The following MYO1D variants were observed in gnomAD, a reference collection of about 807,000 sequenced individuals.
The protein encoded by MYO1D is myosin ID, also known as unconventional myosin-Id.
In MYO1D, 83 loss-of-function variants were observed where a neutral mutation model predicts 122.0. The observed-to-expected ratio is 0.68, with a 90% CI of 0.57 to 0.82. The LOEUF (loss-of-function observed/expected upper bound fraction) is 0.82. Among genes scored for constraint, MYO1D ranks in the 40% least tolerant of loss-of-function variants. The probability of loss-of-function intolerance (pLI) is 0.00; values close to 1 mark genes in which losing one functional copy is unlikely to be tolerated. For synonymous variants in MYO1D, 464 were observed against 446.9 expected (o/e 1.04, Z -0.48); for missense variants, 1,157 against 1,269.5 (o/e 0.91, Z 1.35).
At chr17:32,800,607 G>C (rs1436655623) in intron 1 of MYO1D, among the ~76,000 whole-genome samples, 1 of 152,206 alleles carries the variant, frequency 6.6e-6, no homozygotes, top group Non-Finnish European at 1.5e-5. Context: ...GTTTCAGCTA[G>C]AGAGGAGGAA....
intron 5 of MYO1D, 103 bp downstream of exon 5, chr17:32,772,686 T>C: frequency 5.4e-6 from 5 of 934,308 alleles, no homozygotes; most frequent in Non-Finnish European, 7.0e-6. Flanking sequence ...ACGGGGCCAA[T>C]GGAGATGAGT....
intron 21 of MYO1D, among the ~76,000 whole-genome samples, chr17:32,517,170 C>CA (rs1413130667): frequency 4.6e-5 from 7 of 152,358 alleles, no homozygotes; most frequent in African/African-American, 1.7e-4. Flanking sequence ...AGCTGGAAGT[C>CA]AGACACCCTG....
chr17:32,638,935 T>C (rs2088148397), intron 19 of MYO1D, 100 bp from the exon 20 acceptor site: 1 of 764,550 alleles, frequency 1.3e-6, no homozygotes, highest in East Asian at 2.5e-5. Context: ...GAACCATGTA[T>C]GGCCACTCTA....
rs868551213 is a variant in MYO1D, at chr17:32,680,656, G to A, written c.2122-21318C>T. 1.0e-3 allele frequency among the ~76,000 whole-genome samples: 150 copies of A among 149,722 alleles called. No homozygotes were observed. In the Middle Eastern group the frequency reaches 0.01, roughly 10 times the overall value. On this transcript the variant is annotated intron_variant, in intron 16 of 21. Transcript: ENST00000318217. ...AACTTTTTGATGTGCTGCTGGATTCGGTTTGCCAGTATTTTATTGAGGATT... is the reference window on the plus strand; with the variant it reads ...AACTTTTTGATGTGCTGCTGGATTCAGTTTGCCAGTATTTTATTGAGGATT...
intron 16 of MYO1D, among the ~76,000 whole-genome samples, chr17:32,703,069 T>TTA (rs1038442267): frequency 1.5e-4 from 23 of 152,338 alleles, no homozygotes; most frequent in African/African-American, 5.5e-4. Flanking sequence ...ATTTATATGT[T>TTA]TAGTAGCCTT....
intron 1 of MYO1D, among the ~76,000 whole-genome samples, chr17:32,837,983 CATTTTT>C (rs2090844229): frequency 6.6e-6 from 1 of 150,592 alleles, no homozygotes; most frequent in African/African-American, 2.4e-5. Flanking sequence ...TACTTTACAA[CATTTTT>C]ATTTTTATAT....
intron 21 of MYO1D, among the ~76,000 whole-genome samples, chr17:32,595,991 A>G (rs1384095206): frequency 1.3e-5 from 2 of 152,166 alleles, no homozygotes; most frequent in Admixed American, 6.5e-5. Flanking sequence ...TCACATTTCT[A>G]GTTTCCAGCA....
chr17:32,732,953 C>A (rs983969770), intron 14 of MYO1D, among the ~76,000 whole-genome samples: 3 of 152,220 alleles, frequency 2.0e-5, no homozygotes, highest in African/African-American at 7.2e-5. Context: ...GCCATGGAAG[C>A]TGCTTGCAGT....
intron 7 of MYO1D, among the ~76,000 whole-genome samples, chr17:32,765,343 GTCTC>G (rs1194304736): frequency 1.8e-4 from 28 of 152,058 alleles, no homozygotes; most frequent in Admixed American, 1.4e-3. Flanking sequence ...TTGCCTTAGG[GTCTC>G]TCTTTCTTTG....
chr17:32,865,732 AT>A (rs1567677847), intron 1 of MYO1D, among the ~76,000 whole-genome samples: 9 of 152,364 alleles, frequency 5.9e-5, no homozygotes, highest in Non-Finnish European at 1.2e-4. Context: ...AGGCAATCCC[AT>A]GCTGGGATAA....
chr17:32,646,911 CTTATAA>C (rs2088302973), intron 19 of MYO1D, among the ~76,000 whole-genome samples: 2 of 152,210 alleles, frequency 1.3e-5, no homozygotes, highest in East Asian at 1.9e-4. Flanking sequence ...AAATTCCAGA[CTTATAA>C]TTATGGCAAA....
At position 32,594,320 on chromosome 17, in the gene MYO1D, C is replaced by T. The variant is rs969647241; in HGVS notation, c.2864+10767G>A. On this transcript the variant is annotated intron_variant, in intron 21 of 21. Transcript: ENST00000318217. Reference sequence around the variant, plus strand: ...GCCCATTATAACAGTAAATTCTGCACACTGAGAGACTTCAAACTTTCCTTT... The same window carrying T: ...GCCCATTATAACAGTAAATTCTGCATACTGAGAGACTTCAAACTTTCCTTT... 2.9e-5 allele frequency: 11 copies of T among 382,156 alleles called. No homozygotes were observed. The South Asian group carries it at 4.7e-4, about 16-fold the overall frequency. The allele number at this position is 382,156 out of a possible 1,614,324, so 23.7% of individuals were successfully genotyped here.
chr17:32,565,188 C>T (rs541339556), intron 21 of MYO1D, among the ~76,000 whole-genome samples: 2 of 152,106 alleles, frequency 1.3e-5, no homozygotes, highest in South Asian at 4.2e-4. Flanking sequence ...ATTTTTAGTA[C>T]AGACAGGGTT....
At chr17:32,574,924 C>T (rs1161487302) in intron 21 of MYO1D, among the ~76,000 whole-genome samples, 1 of 152,204 alleles carries the variant, frequency 6.6e-6, no homozygotes, top group Non-Finnish European at 1.5e-5. Flanking sequence ...ATGCTCTGAA[C>T]TCTGGGTTCT....
At position 32,512,278 on chromosome 17, in the gene MYO1D, C is replaced by T. The variant is rs148631589; in HGVS notation, c.2865-17363G>A. Among the ~76,000 whole-genome samples the T allele has an allele frequency of 1.3e-3, 189 of 149,486 alleles. 1 individual carries two copies. The highest frequency in any genetic ancestry group is 3.4e-3 in the Middle Eastern group (1 of 294). ...TGGCGCCACTGCCTTCCAGCCTGGGCGACAAGAGTGAAACTCTTATCTCAT... is the reference window on the plus strand; with the variant it reads ...TGGCGCCACTGCCTTCCAGCCTGGGTGACAAGAGTGAAACTCTTATCTCAT... On this transcript the variant is annotated intron_variant, in intron 21 of 21. Transcript: ENST00000318217.
rs1047877451 is a variant in MYO1D at position 32,712,716 on chromosome 17, A to T, written c.1914-521T>A. Among the ~76,000 whole-genome samples, 16 of 152,264 alleles carry T rather than the reference A, an allele frequency of 1.1e-4. 1 individual carries two copies. The highest frequency in any genetic ancestry group is 9.2e-4 in the Admixed American group (14 of 15,286). On this transcript the variant is annotated intron_variant, in intron 15 of 21. Coordinates refer to ENST00000318217, the MANE Select transcript of MYO1D (RefSeq NM_015194.3). ...AGAAAATTAAGCAGTGTTGCTGCAC[A>T]TAAGAGCAACACACAAAAATTAATT...
intron 20 of MYO1D, among the ~76,000 whole-genome samples, chr17:32,633,652 C>T (rs1230588554): frequency 6.6e-6 from 1 of 151,300 alleles, no homozygotes; most frequent in Admixed American, 6.6e-5. Flanking sequence ...CATCTGTGAA[C>T]CCCCCACCAG....
At chr17:32,695,439 A>G (rs1001303490) in intron 16 of MYO1D, among the ~76,000 whole-genome samples, 10 of 152,204 alleles carry the variant, frequency 6.6e-5, no homozygotes, top group Admixed American at 5.2e-4. Flanking sequence ...CTTAGATTAC[A>G]GCAACAGGCT....
intron 21 of MYO1D, among the ~76,000 whole-genome samples, chr17:32,593,924 G>A (rs932124743): frequency 2.0e-5 from 3 of 152,162 alleles, no homozygotes; most frequent in African/African-American, 7.2e-5. Flanking sequence ...GTGACAGTGC[G>A]AGACTCCATC....
Sources: gnomAD v4.1 joint callset for allele counts (sites outside exome capture counted in the v4.1 genomes callset) on GRCh38, gnomAD v4.1.1 for gene constraint, MANE v1.5 for transcripts, NCBI Gene and HGNC (gene_info 2026-07-23, HGNC 2026-07-21) for gene names.